The following RNF150 variants were observed in gnomAD, a reference collection of about 807,000 sequenced individuals.
RNF150 encodes the protein ring finger protein 150.
RNF150 carries 24 observed loss-of-function variants against 39.3 expected under a neutral mutation model. That is an observed-to-expected ratio of 0.61 (90% CI 0.44 to 0.86). The LOEUF (loss-of-function observed/expected upper bound fraction) is 0.86. Ranked by LOEUF, RNF150 falls within the 40% of genes least tolerant of loss-of-function variation. The pLI is 0.00. For missense variants in RNF150, 502 were observed against 587.8 expected, an observed-to-expected ratio of 0.85 and a Z score of 1.51; for synonymous variants, 255 against 227.3, an observed-to-expected ratio of 1.12 and a Z score of -1.10.
At chr4:141,099,552 C>A (rs933303617) in intron 1 of RNF150, among the ~76,000 whole-genome samples, 2 of 152,210 alleles carry the variant, frequency 1.3e-5, no homozygotes, top group East Asian at 1.9e-4. Context: ...AAACTTCACC[C>A]CAACCATGTG....
intron 2 of RNF150, among the ~76,000 whole-genome samples, chr4:140,956,396 G>C (rs1366295996): frequency 4.6e-5 from 7 of 152,198 alleles, no homozygotes; most frequent in African/African-American, 1.7e-4. Context: ...ACTGTCCATA[G>C]TGCACACTGG....
At chr4:141,005,100 C>T (rs536375014) in intron 1 of RNF150, among the ~76,000 whole-genome samples, 41 of 152,178 alleles carry the variant, frequency 2.7e-4, no homozygotes, top group African/African-American at 9.2e-4. Context: ...CGGTTGTTGT[C>T]AAGTATGACC....
At chr4:141,061,990 C>T (rs1436162519) in intron 1 of RNF150, among the ~76,000 whole-genome samples, 2 of 152,032 alleles carry the variant, frequency 1.3e-5, no homozygotes, top group Non-Finnish European at 2.9e-5. Context: ...TTATGAGACA[C>T]AAAAATTAAA....
At chr4:141,211,245 A>T (rs1447817609) in intron 1 of RNF150, among the ~76,000 whole-genome samples, 1 of 152,230 alleles carries the variant, frequency 6.6e-6, no homozygotes, top group African/African-American at 2.4e-5. Flanking sequence ...AAAAAAAATC[A>T]CAGTAGCAAA....
At chr4:141,194,933 G>A (rs1417891682) in intron 1 of RNF150, among the ~76,000 whole-genome samples, 4 of 152,112 alleles carry the variant, frequency 2.6e-5, no homozygotes, top group African/African-American at 2.4e-5. Flanking sequence ...GATTAAATGA[G>A]TTAATTAAAA....
intron 2 of RNF150, among the ~76,000 whole-genome samples, chr4:140,961,727 A>G (rs1733030918): frequency 6.6e-6 from 1 of 152,088 alleles, no homozygotes; most frequent in Non-Finnish European, 1.5e-5. Flanking sequence ...TAACATGATC[A>G]CAATTCACTG....
chr4:141,078,585 T>G (rs1034509164), intron 1 of RNF150, among the ~76,000 whole-genome samples: 1 of 150,604 alleles, frequency 6.6e-6, no homozygotes, highest in Non-Finnish European at 1.5e-5. Context: ...AGATAGACCA[T>G]CCTGGCCAAC....
At chr4:141,005,941 C>T (rs1734851031) in intron 1 of RNF150, among the ~76,000 whole-genome samples, 2 of 145,392 alleles carry the variant, frequency 1.4e-5, no homozygotes, top group South Asian at 4.4e-4. Context: ...TAGTGGCGGG[C>T]GCCTGTAGTC....
chr4:140,972,837 T>C (rs1409591889), intron 1 of RNF150, among the ~76,000 whole-genome samples: 1 of 152,150 alleles, frequency 6.6e-6, no homozygotes, highest in East Asian at 1.9e-4. Context: ...TTCTTTAATG[T>C]GATAATAAGT....
chr4:140,941,098 A>C (rs1732066302), intron 4 of RNF150, among the ~76,000 whole-genome samples: 1 of 152,242 alleles, frequency 6.6e-6, no homozygotes, highest in African/African-American at 2.4e-5. Flanking sequence ...ATAGAGACAT[A>C]AAACAGAGTA....
At chr4:141,198,590 A>G (rs56876328) in intron 1 of RNF150, among the ~76,000 whole-genome samples, 7,018 of 152,328 alleles carry the variant, frequency 0.046, 527 homozygotes, top group African/African-American at 0.16. Context: ...GCGAAAAATG[A>G]TAAGTGCAAT....
intron 1 of RNF150, among the ~76,000 whole-genome samples, chr4:141,210,752 A>G (rs140929623): frequency 2.0e-5 from 3 of 151,758 alleles, no homozygotes; most frequent in East Asian, 3.9e-4. Context: ...CAATTTTTCC[A>G]TTTCTTCCTA....
chr4:141,003,590 C>T (rs1382696058), intron 1 of RNF150, among the ~76,000 whole-genome samples: 1 of 151,816 alleles, frequency 6.6e-6, no homozygotes, highest in Non-Finnish European at 1.5e-5. Flanking sequence ...CACACACACA[C>T]ACACACACAC....
intron 1 of RNF150, among the ~76,000 whole-genome samples, chr4:140,987,098 A>G (rs1488436003): frequency 6.6e-6 from 1 of 152,068 alleles, no homozygotes; most frequent in Non-Finnish European, 1.5e-5. Flanking sequence ...GAACTACAAA[A>G]CATGGCTGAA....
intron 1 of RNF150, among the ~76,000 whole-genome samples, chr4:141,195,627 A>G (rs1232561311): frequency 6.6e-6 from 1 of 152,192 alleles, no homozygotes; most frequent in Non-Finnish European, 1.5e-5. Context: ...AGCCCACAAG[A>G]TAATTAATTA....
chr4:141,014,205 T>C (rs1373048067), intron 1 of RNF150, among the ~76,000 whole-genome samples: 1 of 152,240 alleles, frequency 6.6e-6, no homozygotes, highest in Non-Finnish European at 1.5e-5. Flanking sequence ...TGCCATTATG[T>C]ACATATATGC....
chr4:141,005,901 T>C (rs1734848399), intron 1 of RNF150, among the ~76,000 whole-genome samples: 1 of 146,326 alleles, frequency 6.8e-6, no homozygotes, highest in African/African-American at 2.6e-5. Flanking sequence ...ACCCCGTCTC[T>C]ACTAAAAATA....
intron 2 of RNF150, among the ~76,000 whole-genome samples, chr4:140,966,643 T>C (rs1733254535): frequency 6.6e-6 from 1 of 152,184 alleles, no homozygotes; most frequent in African/African-American, 2.4e-5. Flanking sequence ...GTACCATTTT[T>C]AACTTACCAA....
intron 1 of RNF150, among the ~76,000 whole-genome samples, chr4:141,201,067 A>G (rs1332862392): frequency 9.2e-6 from 1 of 108,800 alleles, no homozygotes; most frequent in Non-Finnish European, 1.9e-5. Flanking sequence ...AACTGAGACA[A>G]TACAATAGAT....
Sources: gnomAD v4.1 joint callset for allele counts (sites outside exome capture counted in the v4.1 genomes callset) on GRCh38, gnomAD v4.1.1 for gene constraint, MANE v1.5 for transcripts, NCBI Gene and HGNC (gene_info 2026-07-23, HGNC 2026-07-21) for gene names.